PTHLH: variants seen among roughly 807,000 people sequenced by gnomAD.
PTHLH encodes the protein parathyroid hormone-related protein.
In PTHLH, 5 loss-of-function variants were observed where a neutral mutation model predicts 18.6. That is an observed-to-expected ratio of 0.27 (90% CI 0.14 to 0.56). The LOEUF (loss-of-function observed/expected upper bound fraction) is 0.56. Among genes scored for constraint, PTHLH ranks in the 20% least tolerant of loss-of-function variants. PTHLH has a pLI of 0.92. For synonymous variants in PTHLH, 90 were observed against 94.0 expected (o/e 0.96, Z 0.25); for missense variants, 207 against 223.9 (o/e 0.92, Z 0.48).
intron 2 of PTHLH, 114 bp from the exon 3 acceptor site, chr12:27,970,381 G>C (rs1251537785): frequency 6.8e-6 from 1 of 148,090 alleles, no homozygotes; most frequent in Non-Finnish European, 1.5e-5. Context: ...GGCGGCGACG[G>C]GCGGCCCGAA....
At chr12:27,959,321 T>A (rs2062735660) in intron 5 of PTHLH, among the ~76,000 whole-genome samples, 1 of 152,210 alleles carries the variant, frequency 6.6e-6, no homozygotes, top group South Asian at 2.1e-4. Context: ...CTACTGTAAA[T>A]GCGGGAATAA....
chr12:27,960,589 G>A (rs1268788852), intron 5 of PTHLH, among the ~76,000 whole-genome samples: 1 of 150,772 alleles, frequency 6.6e-6, no homozygotes, highest in Admixed American at 6.7e-5. Flanking sequence ...ATGGTGGCGG[G>A]TGCCTGCAAT....
In PTHLH at chr12:27,960,479, A is replaced by G. The variant is rs182427347; in HGVS notation, c.525-1911T>C. On this transcript the variant is annotated intron_variant, in intron 5 of 5. Coordinates refer to ENST00000545234, the MANE Select transcript of PTHLH (RefSeq NM_198965.2). ...GGTGGTTCATGCCTGTAATCCCAGCACTTTGGGGCAGGTGGATCACCTGAG... is the reference window on the plus strand; with the variant it reads ...GGTGGTTCATGCCTGTAATCCCAGCGCTTTGGGGCAGGTGGATCACCTGAG... Among the ~76,000 whole-genome samples, 134 of 152,200 alleles carry G rather than the reference A, an allele frequency of 8.8e-4. 1 individual carries two copies. Among genetic ancestry groups the G allele is most frequent in the African/African-American group, 2.4e-3 (101 of 41,534 alleles).
At chr12:27,966,050 CTT>C (rs1308944185) in intron 4 of PTHLH, among the ~76,000 whole-genome samples, 1 of 152,190 alleles carries the variant, frequency 6.6e-6, no homozygotes, top group Non-Finnish European at 1.5e-5. Context: ...GAGGCCAAAA[CTT>C]TTAATGGTTG....
chr12:27,970,409 G>A (rs1197314333), intron 2 of PTHLH, 142 bp from the exon 3 acceptor site: 1 of 148,754 alleles, frequency 6.7e-6, no homozygotes, highest in Non-Finnish European at 1.5e-5. Flanking sequence ...CGCGCCGCCC[G>A]AGCGAGTGGA....
rs183943901 is a variant in PTHLH at position 27,959,525 on chromosome 12, T to C, written c.525-957A>G. On this transcript the variant is annotated intron_variant, in intron 5 of 5. Coordinates refer to ENST00000545234, the MANE Select transcript of PTHLH (RefSeq NM_198965.2). ...CTTTCTCTTCTCTTTGTGTGGTCTA[T>C]GTATTTGTTCCCAAGGAAACAACTA... is the stretch of plus-strand genomic sequence containing the variant. Among the ~76,000 whole-genome samples the C allele has an allele frequency of 1.7e-3, 255 of 152,330 alleles. 1 individual carries two copies. Among genetic ancestry groups the C allele is most frequent in the African/African-American group, 5.7e-3 (239 of 41,570 alleles).
At chr12:27,961,985 C>A (rs2120620462) in intron 5 of PTHLH, 1 of 700,418 alleles carries the variant, frequency 1.4e-6, no homozygotes. Context: ...TCAAACCCCA[C>A]AGAAGTGCTG....
Position 27,963,360 on chromosome 12 carries a change from T to G in PTHLH, c.512A>C (p.Glu171Ala). The G allele has an allele frequency of 6.2e-7, 1 of 1,614,214 alleles. No homozygotes were observed. The highest frequency in any genetic ancestry group is 8.5e-7 in the Non-Finnish European group (1 of 1,180,042). The change falls in exon 5 of 6, where the codon GAG becomes GCG. Residue 171 changes from glutamate (E) to alanine (A), a missense_variant. Physicochemically the swap from Glu to Ala is moderately radical, Grantham distance 107. Coordinates refer to ENST00000545234, the MANE Select transcript of PTHLH (RefSeq NM_198965.2). ...AGAAGCCTGTTACCGTGAATCGAGC[T>G]CCAGCGACGTTGTGGAGGTGTCAGA... ...HLSDTSTTSL[E>A]LDSRRH
At chr12:27,971,673 G>A (rs560169315) in intron 2 of PTHLH, among the ~76,000 whole-genome samples, 3 of 151,522 alleles carry the variant, frequency 2.0e-5, no homozygotes, top group Non-Finnish European at 4.4e-5. Flanking sequence ...GCTTAGGTTG[G>A]GTGGGGGGGC....
chr12:27,963,779 G>C lies in PTHLH; in HGVS notation c.102-9C>G. On this transcript the variant is annotated splice_polypyrimidine_tract_variant and intron_variant, in intron 4 of 5. Transcript: ENST00000545234. ...CAGACACAGCTCTTTTGCTTTGAAA[G>C]AAAATATTAGAGGGGAAGAAAACAG... The C allele has an allele frequency of 6.2e-7, 1 of 1,613,590 alleles. No homozygotes were observed. The highest frequency in any genetic ancestry group is 8.5e-7 in the Non-Finnish European group (1 of 1,179,692).
In PTHLH at chr12:27,963,829, C is replaced by G; in HGVS notation, c.102-59G>C. 2.6e-6 allele frequency: 4 copies of G among 1,524,866 alleles called. No individual in the cohort carries two copies. The Admixed American group carries it at 6.8e-5, about 26-fold the overall frequency. 94.5% of individuals were successfully genotyped at this position (1,524,866 alleles called of 1,614,324 possible). A position where few individuals can be genotyped will look rare whatever the true frequency, so the allele number is the denominator to read the frequency against. ...GTTAAATTTTAGTTGCTGATAGAGACAACAAAGACATGAGTAAATCTCTTT... is the reference window on the plus strand; with the variant it reads ...GTTAAATTTTAGTTGCTGATAGAGAGAACAAAGACATGAGTAAATCTCTTT... On this transcript the variant is annotated intron_variant, in intron 4 of 5. Coordinates refer to ENST00000545234, the MANE Select transcript of PTHLH (RefSeq NM_198965.2).
In PTHLH at chr12:27,958,669, C is replaced by T; in HGVS notation, c.525-101G>A. On this transcript the variant is annotated intron_variant, in intron 5 of 5. Transcript: ENST00000545234. ...GGATATAAGCTAAGGAATGCAAAAT[C>T]ACAATGGAAAGAGATTCAGGGAACT... 3 of 1,159,392 alleles carry T rather than the reference C, an allele frequency of 2.6e-6. No homozygotes were observed. In the South Asian group the frequency reaches 4.7e-5, roughly 18 times the overall value. 71.8% of individuals were successfully genotyped at this position (1,159,392 alleles called of 1,614,324 possible). A position where few individuals can be genotyped will look rare whatever the true frequency, so the allele number is the denominator to read the frequency against.
chr12:27,970,876 G>GCCC (rs2120681889), intron 2 of PTHLH, among the ~76,000 whole-genome samples: 1 of 152,346 alleles, frequency 6.6e-6, no homozygotes, highest in African/African-American at 2.4e-5. Context: ...CCATTCCCGG[G>GCCC]ATGAACTGAG....
chr12:27,968,862 C>T (rs532289020), intron 4 of PTHLH, among the ~76,000 whole-genome samples: 1 of 152,312 alleles, frequency 6.6e-6, no homozygotes, highest in East Asian at 1.9e-4. Flanking sequence ...AAAGTTGTTG[C>T]TACTTTATTA....
intron 5 of PTHLH, among the ~76,000 whole-genome samples, chr12:27,959,898 C>A (rs2062739719): frequency 6.6e-6 from 1 of 152,034 alleles, no homozygotes. Flanking sequence ...GCATTCTTTA[C>A]TGATTTTTAA....
Position 27,970,245 on chromosome 12 carries a change from T to C in PTHLH, c.-243A>G. 2.2e-6 allele frequency: 1 copy of C among 461,872 alleles called. No homozygotes were observed. Among genetic ancestry groups the C allele is most frequent in the Non-Finnish European group, 4.3e-6 (1 of 232,256 alleles). The allele number at this position is 461,872 out of a possible 1,614,324, so 28.6% of individuals were successfully genotyped here. A position where few individuals can be genotyped will look rare whatever the true frequency, so the allele number is the denominator to read the frequency against. On this transcript the variant is annotated 5_prime_UTR_variant, in exon 3 of 6. Transcript: ENST00000545234. ...GCGAGTTGAAAACCGAGCGGAGGAA[T>C]GTTCACACGCTCCGAGGCAAACCTG...
At chr12:27,961,828 G>A (rs2062764164) in intron 5 of PTHLH, 2 of 580,038 alleles carry the variant, frequency 3.4e-6, no homozygotes, top group Non-Finnish European at 6.0e-6. Context: ...ATGGTGAATA[G>A]GTTCAAGGTC....
chr12:27,969,890 C>T (rs756862664), intron 3 of PTHLH, 135 bp downstream of exon 3: 1 of 522,298 alleles, frequency 1.9e-6, no homozygotes, highest in South Asian at 1.4e-5. Context: ...CTCCTGGGTT[C>T]GTGGAACAGG....
intron 5 of PTHLH, chr12:27,961,775 TGTG>T: frequency 1.8e-6 from 1 of 541,498 alleles, no homozygotes; most frequent in East Asian, 3.0e-5. Flanking sequence ...TGCTATTTTA[TGTG>T]CTATTTAATG....
Sources: gnomAD v4.1 joint callset for allele counts (sites outside exome capture counted in the v4.1 genomes callset) on GRCh38, gnomAD v4.1.1 for gene constraint, MANE v1.5 for transcripts, NCBI Gene and HGNC (gene_info 2026-07-23, HGNC 2026-07-21) for gene names.